The following NXN variants were observed in gnomAD, a reference collection of about 807,000 sequenced individuals.
The protein encoded by NXN is nucleoredoxin.
In NXN, 16 loss-of-function variants were observed where a neutral mutation model predicts 48.6. The observed-to-expected ratio is 0.33, with a 90% CI of 0.22 to 0.50. NXN has a LOEUF of 0.50. Ranked by LOEUF, NXN falls within the 20% of genes least tolerant of loss-of-function variation. The pLI, the probability that NXN is intolerant of heterozygous loss-of-function variation, is 0.98. For synonymous variants in NXN, 281 were observed against 269.6 expected, an observed-to-expected ratio of 1.04 and a Z score of -0.41; for missense variants, 492 against 605.5, an observed-to-expected ratio of 0.81 and a Z score of 1.97.
chr17:870,346 G>A (rs1005914443), intron 1 of NXN, among the ~76,000 whole-genome samples: 4 of 152,156 alleles, frequency 2.6e-5, no homozygotes, highest in Non-Finnish European at 5.9e-5. Context: ...TGAAGGTACC[G>A]TGGGACGTGG....
intron 1 of NXN, among the ~76,000 whole-genome samples, chr17:874,175 C>T (rs2068189749): frequency 6.6e-6 from 1 of 152,208 alleles, no homozygotes; most frequent in African/African-American, 2.4e-5. Flanking sequence ...TCATCCTTCT[C>T]CTTCCTGCCA....
chr17:812,756 G>A (rs1435750997), intron 5 of NXN, among the ~76,000 whole-genome samples: 1 of 149,862 alleles, frequency 6.7e-6, no homozygotes, highest in Non-Finnish European at 1.5e-5. Flanking sequence ...GTGAGAGTGT[G>A]CATATGTGTG....
intron 1 of NXN, among the ~76,000 whole-genome samples, chr17:891,930 C>G (rs2068424832): frequency 7.0e-6 from 1 of 143,748 alleles, no homozygotes; most frequent in Admixed American, 6.9e-5. Context: ...CATGCACAAC[C>G]CAACAGGGAA....
rs535722600 is a variant in NXN, at chr17:969,346, C to G, written c.360+9973G>C. 5.6e-4 allele frequency among the ~76,000 whole-genome samples: 85 copies of G among 152,264 alleles called. 5 individuals carry two copies. In the South Asian group the frequency reaches 5.8e-3, roughly 10 times the overall value. ...CCGGGAAACAGCCAAGTTTCCAACC[C>G]GGGAAACCTGGATCTGGATTTCCAG... On this transcript the variant is annotated intron_variant, in intron 1 of 7. Coordinates refer to ENST00000336868, the MANE Select transcript of NXN (RefSeq NM_022463.5).
chr17:958,940 A>AACAC lies in NXN; in HGVS notation c.360+20375_360+20378dup, dbSNP rs552072210. ...GCCTGAGACTTGTCTTTAAAAAAGA[A>AACAC]ACACACACACACACATACACACACA... is the stretch of plus-strand genomic sequence containing the variant. On this transcript the variant is annotated intron_variant, in intron 1 of 7. Coordinates refer to ENST00000336868, the MANE Select transcript of NXN (RefSeq NM_022463.5). The surrounding 1 kb of genome is among the most constrained non-coding windows in gnomAD (Gnocchi z 6.9). The AACAC allele has an allele frequency of 3.1e-5, 5 of 160,024 alleles. No homozygotes were observed. In the East Asian group the frequency reaches 5.2e-4, roughly 17 times the overall value. The allele number at this position is 160,024 out of a possible 1,614,324, so 9.9% of individuals were successfully genotyped here.
At chr17:940,451 A>G (rs954706980) in intron 1 of NXN, among the ~76,000 whole-genome samples, 1 of 152,204 alleles carries the variant, frequency 6.6e-6, no homozygotes, top group African/African-American at 2.4e-5. Flanking sequence ...AAAAAGAAGG[A>G]AAAAGGGCCG....
At chr17:882,214 C>T (rs1183670232) in intron 1 of NXN, among the ~76,000 whole-genome samples, 3 of 152,176 alleles carry the variant, frequency 2.0e-5, no homozygotes, top group African/African-American at 2.4e-5. Context: ...CTCCTGAGCA[C>T]GGCCACCTTC....
At chr17:848,083 C>A (rs1053714587) in intron 1 of NXN, among the ~76,000 whole-genome samples, 4 of 151,974 alleles carry the variant, frequency 2.6e-5, no homozygotes, top group African/African-American at 9.7e-5. Context: ...CCCTGACACC[C>A]TCAGGAGGAC....
Position 979,348 on chromosome 17 carries a change from C to A in NXN, c.331G>T (p.Ala111Ser). Residue 111 changes from alanine to serine, a missense_variant, in exon 1 of 8, where the codon GCG (alanine) becomes TCG (serine). Around this residue, in one of 3 missense-constraint regions of NXN, gnomAD observed 186 missense variants for 199.1 expected, o/e 0.93. Transcript: ENST00000336868. ...CTGTGCTTCTCCTTGTAGGGCAGCG[C>A]CAGCCACGGCATGTCCCGCACGAAG... ...QDFVRDMPWL[A>S]LPYKEKHRKL... The A allele has an allele frequency of 6.5e-7, 1 of 1,542,996 alleles. No individual in the cohort carries two copies.
Position 853,124 on chromosome 17 carries a change from C to T in NXN, c.361-27046G>A, listed in dbSNP as rs566727953. On this transcript the variant is annotated intron_variant, in intron 1 of 7. Transcript: ENST00000336868. ...TCCTGAGTAGTTGGGACCACAGGCG[C>T]CCACCACCATGCCCGGCTAAAAACA... Among the ~76,000 whole-genome samples the T allele has an allele frequency of 2.0e-5, 3 of 152,066 alleles. No homozygotes were observed. In the South Asian group the frequency reaches 6.2e-4, roughly 32 times the overall value.
At chr17:964,348 T>C (rs1486803328) in intron 1 of NXN, among the ~76,000 whole-genome samples, 1 of 152,012 alleles carries the variant, frequency 6.6e-6, no homozygotes, top group Non-Finnish European at 1.5e-5. Flanking sequence ...TCAGAAAAAA[T>C]GTCACTAATT....
At chr17:921,592 C>T (rs1215670448) in intron 1 of NXN, among the ~76,000 whole-genome samples, 3 of 152,176 alleles carry the variant, frequency 2.0e-5, no homozygotes, top group African/African-American at 7.2e-5. Flanking sequence ...AGTCCATCTG[C>T]TCCAGCACGC....
At chr17:927,190 G>A (rs1475326610) in intron 1 of NXN, among the ~76,000 whole-genome samples, 1 of 151,862 alleles carries the variant, frequency 6.6e-6, no homozygotes, top group East Asian at 1.9e-4. Context: ...GCAGGCGCCT[G>A]TAGACCCAGC....
intron 1 of NXN, among the ~76,000 whole-genome samples, chr17:893,074 C>T (rs1017421665): frequency 2.6e-5 from 4 of 152,236 alleles, no homozygotes; most frequent in African/African-American, 9.6e-5. Flanking sequence ...AATTTAAAGT[C>T]TTCAGACGTT....
At chr17:965,515 T>C (rs551876112) in intron 1 of NXN, among the ~76,000 whole-genome samples, 1 of 152,140 alleles carries the variant, frequency 6.6e-6, no homozygotes, top group African/African-American at 2.4e-5. Flanking sequence ...ACAATAAACA[T>C]GCTGATCACA....
intron 1 of NXN, 124 bp downstream of exon 1, chr17:979,195 G>A: frequency 3.2e-6 from 1 of 311,080 alleles, no homozygotes; most frequent in South Asian, 3.2e-5. Flanking sequence ...GCAGGGGTCG[G>A]GGGGTGGAGG....
intron 1 of NXN, among the ~76,000 whole-genome samples, chr17:841,411 T>TCTCACACCCACAGGCAGGTCCCCCC (rs1914196640): frequency 1.3e-4 from 2 of 15,768 alleles, no homozygotes; most frequent in Non-Finnish European, 2.7e-4. Context: ...AGGTCCCCCC[T>TCTCACACCCACAGGCAGGTCCCCCC]GACCACGGCG....
At chr17:839,681 A>G (rs1344485111) in intron 1 of NXN, among the ~76,000 whole-genome samples, 3 of 150,984 alleles carry the variant, frequency 2.0e-5, no homozygotes, top group Non-Finnish European at 4.4e-5. Flanking sequence ...ACACATCTGT[A>G]GTCCCAGCTA....
At chr17:840,743 G>A (rs35683632) in intron 1 of NXN, among the ~76,000 whole-genome samples, 7,229 of 152,178 alleles carry the variant, frequency 0.048, 289 homozygotes, top group East Asian at 0.24. Flanking sequence ...GGATCCGATC[G>A]GCTGTGTCCT....
Sources: gnomAD v4.1 joint callset for allele counts (sites outside exome capture counted in the v4.1 genomes callset) on GRCh38, gnomAD v4.1.1 for gene constraint, gnomAD v4.1.1 regional missense constraint, Gnocchi (gnomAD v3.1) non-coding constraint, MANE v1.5 for transcripts, NCBI Gene and HGNC (gene_info 2026-07-23, HGNC 2026-07-21) for gene names.